Variants in LYRM4 observed in about 807,000 individuals in gnomAD.
LYRM4 encodes LYR motif-containing protein 4.
Under a neutral mutation model 11.7 loss-of-function variants are expected in LYRM4, and 9 were observed. That is an observed-to-expected ratio of 0.77 (90% CI 0.46 to 1.34). LYRM4 has a LOEUF of 1.34. Ranked by LOEUF, LYRM4 falls within the 40% of genes most tolerant of loss-of-function variation. The pLI is 0.00. For missense variants in LYRM4, 133 were observed against 112.5 expected, an observed-to-expected ratio of 1.18 and a Z score of -0.82; for synonymous variants, 42 against 40.4, an observed-to-expected ratio of 1.04 and a Z score of -0.15.
chr6:5,191,410 T>A (rs1760746861), intron 2 of LYRM4, among the ~76,000 whole-genome samples: 1 of 152,102 alleles, frequency 6.6e-6, no homozygotes, highest in Non-Finnish European at 1.5e-5. Flanking sequence ...TGAGTGGAAA[T>A]AAGAGCTACG....
At chr6:5,193,911 C>T (rs1039362683) in intron 2 of LYRM4, among the ~76,000 whole-genome samples, 9 of 151,942 alleles carry the variant, frequency 5.9e-5, no homozygotes, top group South Asian at 2.1e-4. Context: ...TTTAATAAAA[C>T]GGATGATCAA....
At chr6:5,066,948 A>G in the LYRM4 span, 1 of 1,085,536 alleles carries the variant, frequency 9.2e-7, no homozygotes, top group Non-Finnish European at 1.3e-6. Flanking sequence ...GGAGAGCCTC[A>G]GCCGAGGAGG....
At chr6:5,105,113 A>C (rs1170868609), downstream of LYRM4, 4 of 152,194 alleles carry the variant, frequency 2.6e-5, no homozygotes, top group African/African-American at 9.7e-5. Flanking sequence ...TCTCTGTATT[A>C]GTTTGCTGTT....
the LYRM4 span, among the ~76,000 whole-genome samples, chr6:5,073,703 T>G: frequency 3.9e-5 from 6 of 151,956 alleles, no homozygotes; most frequent in Non-Finnish European, 8.8e-5. Flanking sequence ...AAAATGTGAC[T>G]CTCTATGTGA....
chr6:5,143,848 TTC>T (rs1270581426), intron 2 of LYRM4, among the ~76,000 whole-genome samples: 2 of 152,178 alleles, frequency 1.3e-5, no homozygotes, highest in Non-Finnish European at 2.9e-5. Flanking sequence ...GGCTGCCGGG[TTC>T]TCAAGTGCTG....
At chr6:5,172,615 T>G (rs1369756874) in intron 2 of LYRM4, among the ~76,000 whole-genome samples, 1 of 152,174 alleles carries the variant, frequency 6.6e-6, no homozygotes, top group African/African-American at 2.4e-5. Flanking sequence ...CACAAATGAC[T>G]GCACCTGGTC....
At chr6:5,215,993 G>A (rs1049600342) in intron 2 of LYRM4, among the ~76,000 whole-genome samples, 1 of 152,178 alleles carries the variant, frequency 6.6e-6, no homozygotes, top group Non-Finnish European at 1.5e-5. Context: ...AGACCACGCA[G>A]GAGATCATGC....
At chr6:5,137,638 ATCTGTAT>A (rs1757171770) in intron 2 of LYRM4, among the ~76,000 whole-genome samples, 1 of 152,184 alleles carries the variant, frequency 6.6e-6, no homozygotes, top group African/African-American at 2.4e-5. Flanking sequence ...ATATGCCTCT[ATCTGTAT>A]TTAAGATCAT....
At chr6:5,117,920 C>A (rs1044115130) in intron 2 of LYRM4, among the ~76,000 whole-genome samples, 1 of 151,778 alleles carries the variant, frequency 6.6e-6, no homozygotes, top group Admixed American at 6.6e-5. Flanking sequence ...GTAACCCTGA[C>A]CCTCCAAAAC....
Position 5,256,490 on chromosome 6 carries a change from G to GAAAAAAAAAAAAAAAAAAAAAAA in LYRM4, c.86+4157_86+4158insTTTTTTTTTTTTTTTTTTTTTTT, listed in dbSNP as rs777995486. Among the ~76,000 whole-genome samples the GAAAAAAAAAAAAAAAAAAAAAAA allele has an allele frequency of 4.0e-4, 15 of 37,520 alleles. 4 individuals carry two copies. Among genetic ancestry groups the GAAAAAAAAAAAAAAAAAAAAAAA allele is most frequent in the Non-Finnish European group, 6.0e-4 (11 of 18,396 alleles). 24.6% of individuals were successfully genotyped at this position (37,520 alleles called of 152,430 possible). ...GGGCAACAAGGGCAAGATTTCAACT[G>GAAAAAAAAAAAAAAAAAAAAAAA]GAAAAAAAAAAAAAAAAAAAAAAAA... On this transcript the variant is annotated intron_variant, in intron 1 of 2. Transcript: ENST00000330636.
At chr6:5,185,062 T>G (rs1005928214) in intron 2 of LYRM4, among the ~76,000 whole-genome samples, 6 of 152,224 alleles carry the variant, frequency 3.9e-5, no homozygotes, top group South Asian at 4.1e-4. Context: ...CCTTGCCCTT[T>G]GTCTTCCCCA....
At chr6:5,161,232 G>C (rs1758740862) in intron 2 of LYRM4, among the ~76,000 whole-genome samples, 1 of 152,144 alleles carries the variant, frequency 6.6e-6, no homozygotes, top group Admixed American at 6.5e-5. Context: ...ATTAGAACCA[G>C]GTTGGAGGTT....
At chr6:5,144,120 C>A (rs1268871814) in intron 2 of LYRM4, 3 of 1,535,844 alleles carry the variant, frequency 2.0e-6, no homozygotes, top group Non-Finnish European at 2.6e-6. Flanking sequence ...GATGTGACCA[C>A]ATAGTCAGAA....
intron 2 of LYRM4, among the ~76,000 whole-genome samples, chr6:5,151,106 A>G (rs12529213): frequency 0.1 from 14,610 of 143,380 alleles, 922 homozygotes; most frequent in South Asian, 0.24. Context: ...TTTTTTTGCA[A>G]CGGAGTCTTG....
At chr6:5,177,928 C>A (rs757980925) in intron 2 of LYRM4, among the ~76,000 whole-genome samples, 9 of 152,148 alleles carry the variant, frequency 5.9e-5, no homozygotes, top group Admixed American at 1.3e-4. Context: ...CTGGGGATGA[C>A]GTCTTTGTTT....
chr6:5,204,822 G>C (rs915222766), intron 2 of LYRM4, among the ~76,000 whole-genome samples: 1 of 152,188 alleles, frequency 6.6e-6, no homozygotes, highest in Non-Finnish European at 1.5e-5. Context: ...GCTTTACACT[G>C]ATCAGCAGCT....
At chr6:5,255,648 A>G (rs1277055018) in intron 1 of LYRM4, among the ~76,000 whole-genome samples, 1 of 152,158 alleles carries the variant, frequency 6.6e-6, no homozygotes, top group Non-Finnish European at 1.5e-5. Context: ...TCTTCAGCCA[A>G]CTACTTCAAT....
At chr6:5,050,200 G>A in the LYRM4 span, among the ~76,000 whole-genome samples, 1 of 152,218 alleles carries the variant, frequency 6.6e-6, no homozygotes, top group African/African-American at 2.4e-5. Flanking sequence ...GGAAGACTTG[G>A]GTGGTAAATT....
downstream of LYRM4, among the ~76,000 whole-genome samples, chr6:5,101,448 T>A (rs1235752921): frequency 6.6e-6 from 1 of 152,260 alleles, no homozygotes; most frequent in Non-Finnish European, 1.5e-5. Context: ...CTGAAAATCC[T>A]TATAGCAACC....
Sources: gnomAD v4.1 joint callset for allele counts (sites outside exome capture counted in the v4.1 genomes callset) on GRCh38, gnomAD v4.1.1 for gene constraint, MANE v1.5 for transcripts, NCBI Gene and HGNC (gene_info 2026-07-23, HGNC 2026-07-21) for gene names.